VAV3: variants seen among roughly 807,000 people sequenced by gnomAD.
VAV3 encodes the protein vav guanine nucleotide exchange factor 3, also known as guanine nucleotide exchange factor VAV3.
VAV3 carries 94 observed loss-of-function variants against 131.2 expected under a neutral mutation model. The observed-to-expected ratio is 0.72, with a 90% CI of 0.61 to 0.85. The LOEUF (loss-of-function observed/expected upper bound fraction) is 0.85, where lower values mean the gene tolerates loss of function less well. VAV3 is among the 40% of genes least tolerant of loss of function. VAV3 has a pLI of 0.00. For missense variants in VAV3, 939 were observed against 1,002.7 expected, an observed-to-expected ratio of 0.94 and a Z score of 0.86; for synonymous variants, 349 against 342.0, an observed-to-expected ratio of 1.02 and a Z score of -0.22.
intron 8 of VAV3, 104 bp from the exon 9 acceptor site, chr1:107,765,279 A>G (rs2102154115): frequency 1.2e-6 from 1 of 817,428 alleles, no homozygotes; most frequent in Non-Finnish European, 2.1e-6. Context: ...TGTTAGGGAT[A>G]ACCAAAATAG....
At chr1:107,669,556 G>A (rs1214952220) in intron 19 of VAV3, 10 of 1,208,690 alleles carry the variant, frequency 8.3e-6, no homozygotes, top group East Asian at 6.1e-5. Flanking sequence ...TTTGATACTC[G>A]GTAGCTGATG....
At chr1:107,834,528 C>T (rs142281530) in intron 2 of VAV3, among the ~76,000 whole-genome samples, 3 of 151,696 alleles carry the variant, frequency 2.0e-5, no homozygotes, top group Non-Finnish European at 4.4e-5. Flanking sequence ...TAGCAGAATA[C>T]GCATTCTGAT....
At chr1:107,727,563 T>A (rs964489082) in intron 15 of VAV3, among the ~76,000 whole-genome samples, 4 of 152,202 alleles carry the variant, frequency 2.6e-5, no homozygotes, top group Non-Finnish European at 5.9e-5. Flanking sequence ...TAAAAACCAA[T>A]TACAAACAGT....
intron 1 of VAV3, among the ~76,000 whole-genome samples, chr1:107,910,187 T>C (rs1672300533): frequency 6.6e-6 from 1 of 152,216 alleles, no homozygotes. Context: ...CAGTGGAATT[T>C]GTATCCAGGC....
chr1:107,813,752 C>T (rs1392307885), intron 2 of VAV3, among the ~76,000 whole-genome samples: 6 of 152,062 alleles, frequency 3.9e-5, no homozygotes, highest in African/African-American at 1.4e-4. Flanking sequence ...TCTCTTCAAC[C>T]CCCACCCCCT....
chr1:107,711,412 A>C (rs1219108890), intron 15 of VAV3, among the ~76,000 whole-genome samples: 3 of 151,988 alleles, frequency 2.0e-5, no homozygotes, highest in Admixed American at 1.3e-4. Flanking sequence ...TATAAATCAC[A>C]TTTTTTTTAA....
At chr1:107,880,662 G>A (rs1233621459) in intron 1 of VAV3, among the ~76,000 whole-genome samples, 1 of 152,004 alleles carries the variant, frequency 6.6e-6, no homozygotes, top group Non-Finnish European at 1.5e-5. Flanking sequence ...TGGCTGTGGT[G>A]GCACACACCT....
chr1:107,904,890 G>A (rs1394840992), intron 1 of VAV3, among the ~76,000 whole-genome samples: 2 of 152,104 alleles, frequency 1.3e-5, no homozygotes, highest in African/African-American at 2.4e-5. Flanking sequence ...ATGCAGGTGA[G>A]GGAAATAGTT....
chr1:107,909,348 T>A (rs1184711803), intron 1 of VAV3, among the ~76,000 whole-genome samples: 3 of 107,634 alleles, frequency 2.8e-5, no homozygotes, highest in South Asian at 3.3e-4. Flanking sequence ...AGTAAAAAAA[T>A]GTTATATGAG....
chr1:107,596,458 G>T, intron 24 of VAV3, 117 bp from the exon 25 acceptor site: 3 of 1,110,868 alleles, frequency 2.7e-6, no homozygotes, highest in Non-Finnish European at 2.5e-6. Context: ...ATTTTCCATA[G>T]GTATATGGAA....
In VAV3 at chr1:107,659,936, A is replaced by G. The variant is rs1656881739; in HGVS notation, c.1778-17181T>C. 2.0e-5 allele frequency among the ~76,000 whole-genome samples: 3 copies of G among 152,192 alleles called. No individual in the cohort carries two copies. In the South Asian group the frequency reaches 6.2e-4, roughly 32 times the overall value. On this transcript the variant is annotated intron_variant, in intron 19 of 26. Transcript: ENST00000370056. ...TTAATGAATAAATCACCAGAATACT[A>G]CCAAATTCTTAATGGCAAACATTTA...
At chr1:107,944,030 C>T (rs927789694) in intron 1 of VAV3, among the ~76,000 whole-genome samples, 6 of 152,242 alleles carry the variant, frequency 3.9e-5, no homozygotes, top group Non-Finnish European at 7.3e-5. Context: ...TTTTGACAGT[C>T]ATTTGCCTGT....
In VAV3 at chr1:107,603,178, GAC is replaced by G. The variant is rs778398022; in HGVS notation, c.2016-17_2016-16del. ...CTCCAGCATACCTGTAAAAAACAAT[GAC>G]ACAGAAAATTTGGATAATATACCTG... is the stretch of plus-strand genomic sequence containing the variant. On this transcript the variant is annotated splice_polypyrimidine_tract_variant and intron_variant, in intron 22 of 26. Coordinates refer to ENST00000370056, the MANE Select transcript of VAV3 (RefSeq NM_006113.5). The G allele has an allele frequency of 1.2e-6, 2 of 1,602,200 alleles. No individual in the cohort carries two copies. The highest frequency in any genetic ancestry group is 2.2e-5 in the South Asian group (2 of 90,132).
At position 107,587,307 on chromosome 1, in the gene VAV3, C is replaced by T. The variant is rs567540478; in HGVS notation, c.2350+8905G>A. 3.3e-5 allele frequency among the ~76,000 whole-genome samples: 5 copies of T among 152,272 alleles called. No homozygotes were observed. The South Asian group carries it at 1.0e-3, about 32-fold the overall frequency. ...GAGCTGCAGAGTTAAAACCTGCTACCTTATGCAGATTTGGGATTCAGCAGG... is the reference window on the plus strand; with the variant it reads ...GAGCTGCAGAGTTAAAACCTGCTACTTTATGCAGATTTGGGATTCAGCAGG... On this transcript the variant is annotated intron_variant, in intron 25 of 26. Coordinates refer to ENST00000370056, the MANE Select transcript of VAV3 (RefSeq NM_006113.5).
chr1:107,764,374 T>A (rs1405020604), intron 9 of VAV3, among the ~76,000 whole-genome samples: 1 of 152,228 alleles, frequency 6.6e-6, no homozygotes, highest in African/African-American at 2.4e-5. Context: ...GTGGGTAGAT[T>A]CAGTCTTACA....
chr1:107,640,630 T>TA (rs1480431801), intron 20 of VAV3, among the ~76,000 whole-genome samples: 1 of 152,204 alleles, frequency 6.6e-6, no homozygotes, highest in Non-Finnish European at 1.5e-5. Context: ...ATTGTACACT[T>TA]AAACTATGCA....
At chr1:107,660,495 C>T (rs1376961599) in intron 19 of VAV3, among the ~76,000 whole-genome samples, 1 of 152,164 alleles carries the variant, frequency 6.6e-6, no homozygotes, top group Non-Finnish European at 1.5e-5. Flanking sequence ...CGCACCAGGC[C>T]AAGGCAGACC....
chr1:107,861,206 C>T (rs77067430), intron 2 of VAV3, among the ~76,000 whole-genome samples: 3 of 151,618 alleles, frequency 2.0e-5, no homozygotes, highest in Non-Finnish European at 4.4e-5. Context: ...TCTTTCTACA[C>T]GTCTATGTAT....
intron 19 of VAV3, among the ~76,000 whole-genome samples, chr1:107,643,573 A>G (rs1243901234): frequency 1.3e-5 from 2 of 152,062 alleles, no homozygotes; most frequent in Non-Finnish European, 2.9e-5. Flanking sequence ...CATAAACATG[A>G]TATTTTTTGC....
Sources: gnomAD v4.1 joint callset for allele counts (sites outside exome capture counted in the v4.1 genomes callset) on GRCh38, gnomAD v4.1.1 for gene constraint, MANE v1.5 for transcripts, NCBI Gene and HGNC (gene_info 2026-07-23, HGNC 2026-07-21) for gene names.